Variants in C2orf69 observed in about 807,000 individuals in gnomAD.
C2orf69 encodes the protein chromosome 2 open reading frame 69, also known as mitochondrial protein C2orf69.
C2orf69 carries 19 observed loss-of-function variants against 29.5 expected under a neutral mutation model. The observed-to-expected ratio is 0.65, with a 90% CI of 0.45 to 0.95. C2orf69 has a LOEUF of 0.95. Among genes scored for constraint, C2orf69 ranks in the 40% least tolerant of loss-of-function variants. The probability of loss-of-function intolerance (pLI) is 0.00; values close to 1 mark genes in which losing one functional copy is unlikely to be tolerated. For missense variants in C2orf69, 416 were observed against 482.1 expected, an observed-to-expected ratio of 0.86 and a Z score of 1.28; for synonymous variants, 194 against 180.0, an observed-to-expected ratio of 1.08 and a Z score of -0.62.
intron 1 of C2orf69, among the ~76,000 whole-genome samples, chr2:199,917,222 A>G (rs143277391): frequency 1.1e-4 from 16 of 152,338 alleles, no homozygotes; most frequent in African/African-American, 2.9e-4. Context: ...GGCCCAGCCC[A>G]CAAAACCATT....
intron 1 of C2orf69, among the ~76,000 whole-genome samples, chr2:199,917,633 A>G (rs1435241245): frequency 6.6e-6 from 1 of 152,204 alleles, no homozygotes; most frequent in Non-Finnish European, 1.5e-5. Context: ...AGACTTCATT[A>G]TCCAAATCAC....
At position 199,926,620 on chromosome 2, in the gene C2orf69, TG is replaced by T. The variant is rs1363125646; in HGVS notation, c.*737del. 6.6e-6 allele frequency: 1 copy of T among 152,350 alleles called. No individual in the cohort carries two copies. The highest frequency in any genetic ancestry group is 1.5e-5 in the Non-Finnish European group (1 of 68,046). The allele number at this position is 152,350 out of a possible 1,614,324, so 9.4% of individuals were successfully genotyped here. A position where few individuals can be genotyped will look rare whatever the true frequency, so the allele number is the denominator to read the frequency against. On this transcript the variant is annotated 3_prime_UTR_variant, in exon 2 of 2. Coordinates refer to ENST00000319974, the MANE Select transcript of C2orf69 (RefSeq NM_153689.6). The stretch of plus-strand genomic sequence containing the variant: ...TGTGACTAGCTACTGCACTCCAACC[TG>T]GGCAACATAGTGGGACTTCATCTCT...
chr2:199,923,641 A>C (rs1038787785), intron 1 of C2orf69, among the ~76,000 whole-genome samples: 1 of 152,240 alleles, frequency 6.6e-6, no homozygotes, highest in Non-Finnish European at 1.5e-5. Flanking sequence ...AGACTTAGGA[A>C]GGAAAAAAGA....
chr2:199,924,949 A>G, intron 1 of C2orf69, 113 bp from the exon 2 acceptor site: 1 of 664,162 alleles, frequency 1.5e-6, no homozygotes, highest in Middle Eastern at 3.4e-4. Flanking sequence ...GTGTACATTA[A>G]CCATAGGTCA....
chr2:199,917,000 G>A (rs1321349346), intron 1 of C2orf69, among the ~76,000 whole-genome samples: 1 of 152,226 alleles, frequency 6.6e-6, no homozygotes, highest in Non-Finnish European at 1.5e-5. Context: ...GGACATCCAG[G>A]TGTTTTCATA....
chr2:199,911,858 G>T, intron 1 of C2orf69, 87 bp downstream of exon 1: 1 of 1,518,242 alleles, frequency 6.6e-7, no homozygotes, highest in South Asian at 1.2e-5. Context: ...CTGCTGCCTG[G>T]TTCCTTTCCT....
chr2:199,915,919 G>A (rs1262032862), intron 1 of C2orf69, among the ~76,000 whole-genome samples: 2 of 152,122 alleles, frequency 1.3e-5, no homozygotes, highest in Admixed American at 1.3e-4. Flanking sequence ...TTAACTTCTT[G>A]ATGTTCCTTT....
intron 1 of C2orf69, 77 bp downstream of exon 1, chr2:199,911,848 C>G (rs996572191): frequency 9.2e-6 from 14 of 1,525,494 alleles, no homozygotes; most frequent in Non-Finnish European, 1.2e-5. Context: ...TCCCTCGTGG[C>G]TGCTGCCTGG....
At chr2:199,924,921 T>G (rs978620166) in intron 1 of C2orf69, 141 bp from the exon 2 acceptor site, 12 of 592,860 alleles carry the variant, frequency 2.0e-5, no homozygotes, top group African/African-American at 1.7e-4. Flanking sequence ...AATGACAAAT[T>G]TATAGTTTTC....
rs538696905 is a variant in C2orf69, at chr2:199,926,030, G to T, written c.*144G>T. 389 of 596,826 alleles carry T rather than the reference G, an allele frequency of 6.5e-4. No homozygotes were observed. Among genetic ancestry groups the T allele is most frequent in the Admixed American group, 3.5e-3 (119 of 33,768 alleles). The allele number at this position is 596,826 out of a possible 1,614,324, so 37.0% of individuals were successfully genotyped here. On this transcript the variant is annotated 3_prime_UTR_variant, in exon 2 of 2. Transcript: ENST00000319974. ...AAGCACACATTCCTAAAATGTGAGT[G>T]TAATGTGCAATAGTATTTTTTGCTT...
chr2:199,925,782 G>A lies in C2orf69; in HGVS notation c.1054G>A (p.Val352Ile), dbSNP rs777795916. The change falls in exon 2 of 2, where the codon GTT (valine) becomes ATT (isoleucine). Residue 352 changes from valine to isoleucine, a missense_variant. Physicochemically the swap from Val to Ile is conservative, Grantham distance 29 (BLOSUM62 3). This residue lies in a region of C2orf69 where 225 missense variants were observed against 307.3 expected (regional missense o/e 0.73). Coordinates refer to ENST00000319974, the MANE Select transcript of C2orf69 (RefSeq NM_153689.6). The surrounding 1 kb of genome is among the most constrained non-coding windows in gnomAD (Gnocchi z 4.9). ...SWIGKEHKKF[V>I]QILGDLGMQV... The stretch of plus-strand genomic sequence containing the variant: ...GATTGGAAAGGAGCACAAGAAATTT[G>A]TTCAGATACTTGGGGATCTTGGTAT... 6.2e-7 allele frequency: 1 copy of A among 1,613,896 alleles called. No homozygotes were observed. The highest frequency in any genetic ancestry group is 8.5e-7 in the Non-Finnish European group (1 of 1,179,832).
intron 1 of C2orf69, among the ~76,000 whole-genome samples, chr2:199,913,454 C>CTATTATATAAAATATA (rs1309733218): frequency 1.4e-5 from 1 of 71,626 alleles, no homozygotes; most frequent in Non-Finnish European, 2.5e-5. Context: ...AATATATATT[C>CTATTATATAAAATATA]TATTATATAA....
At chr2:199,915,938 T>G (rs2077291146) in intron 1 of C2orf69, among the ~76,000 whole-genome samples, 1 of 152,246 alleles carries the variant, frequency 6.6e-6, no homozygotes, top group African/African-American at 2.4e-5. Context: ...TTTGCAGTCA[T>G]GTTTTGTTGT....
At chr2:199,917,230 A>G (rs2106636391) in intron 1 of C2orf69, among the ~76,000 whole-genome samples, 1 of 151,964 alleles carries the variant, frequency 6.6e-6, no homozygotes, top group Non-Finnish European at 1.5e-5. Context: ...CCACAAAACC[A>G]TTTTTTCCTC....
rs756212463 is a variant in C2orf69, at chr2:199,917,279, A to C, written c.333+5508A>C. On this transcript the variant is annotated intron_variant, in intron 1 of 1. Coordinates refer to ENST00000319974, the MANE Select transcript of C2orf69 (RefSeq NM_153689.6). ...CCTGTGATGGTAGGGGCTGCCCTGA[A>C]GATCTGTGACATGCCCTGGAGACAT... is the stretch of plus-strand genomic sequence containing the variant. 3.5e-4 allele frequency among the ~76,000 whole-genome samples: 53 copies of C among 152,210 alleles called. 1 individual carries two copies. The highest frequency in any genetic ancestry group is 6.9e-4 in the Non-Finnish European group (47 of 68,034).
intron 1 of C2orf69, among the ~76,000 whole-genome samples, chr2:199,913,683 A>AG (rs574713197): frequency 1.3e-4 from 19 of 150,910 alleles, no homozygotes; most frequent in Non-Finnish European, 1.9e-4. Flanking sequence ...TAGATTTAAG[A>AG]GAAAAAAAAG....
chr2:199,919,691 A>G (rs115284593), intron 1 of C2orf69, among the ~76,000 whole-genome samples: 1 of 152,182 alleles, frequency 6.6e-6, no homozygotes, highest in Admixed American at 6.5e-5. Context: ...TCATCCTTTT[A>G]TCAAGAACCA....
rs147712854 is a variant in C2orf69 at position 199,916,765 on chromosome 2, C to T, written c.333+4994C>T. Among the ~76,000 whole-genome samples the T allele has an allele frequency of 2.2e-3, 339 of 152,296 alleles. 3 individuals are homozygous for T. Among genetic ancestry groups the T allele is most frequent in the African/African-American group, 7.8e-3 (325 of 41,574 alleles). ...GTCACACTGATGCAAGAGGTGGACT[C>T]CTGTGGCTTTGCAGGGTACAGCCCC... is the stretch of plus-strand genomic sequence containing the variant. On this transcript the variant is annotated intron_variant, in intron 1 of 1. Transcript: ENST00000319974.
rs1421593880 is a variant in C2orf69, at chr2:199,925,853, A to G, written c.1125A>G (p.Ile375Met). The G allele has an allele frequency of 1.2e-6, 2 of 1,613,230 alleles. No homozygotes were observed. The highest frequency in any genetic ancestry group is 1.7e-6 in the Non-Finnish European group (2 of 1,179,460). The change falls in exon 2 of 2, where the codon ATA becomes ATG. Residue 375 changes from isoleucine (I) to methionine (M), a missense_variant. Ile to Met is a conservative substitution (Grantham distance 10). Transcript: ENST00000319974. This position sits in a 1 kb window ranked among gnomAD's most constrained non-coding sequence, Gnocchi z 4.9. ...ATTTTACAAAGGAAGCTCCTTCCAT[A>G]GAGAATCACTTCAGGGTTCATGAAG... ...QIHFTKEAPS[I>M]ENHFRVHEVF
Sources: gnomAD v4.1 joint callset for allele counts (sites outside exome capture counted in the v4.1 genomes callset) on GRCh38, gnomAD v4.1.1 for gene constraint, gnomAD v4.1.1 regional missense constraint, Gnocchi (gnomAD v3.1) non-coding constraint, MANE v1.5 for transcripts, NCBI Gene and HGNC (gene_info 2026-07-23, HGNC 2026-07-21) for gene names.